LGR6: variants seen among roughly 807,000 people sequenced by gnomAD.
LGR6 encodes leucine-rich repeat-containing G protein-coupled receptor 6.
Under a neutral mutation model 69.4 loss-of-function variants are expected in LGR6, and 45 were observed. The ratio of observed to expected loss-of-function variants is 0.65; its 90% CI spans 0.51 to 0.83. The LOEUF is 0.83. Among genes scored for constraint, LGR6 ranks in the 40% least tolerant of loss-of-function variants. LGR6 has a pLI of 0.00. For missense variants in LGR6, 1,108 were observed against 1,246.7 expected (o/e 0.89, Z 1.68); for synonymous variants, 538 against 555.0 (o/e 0.97, Z 0.43).
intron 1 of LGR6, among the ~76,000 whole-genome samples, chr1:202,224,651 C>T (rs769311052): frequency 1.3e-5 from 2 of 152,204 alleles, no homozygotes; most frequent in Admixed American, 6.5e-5. Flanking sequence ...CTAGACCCCT[C>T]GCATGCGCAG....
intron 4 of LGR6, 75 bp from the exon 5 acceptor site, chr1:202,276,231 C>A: frequency 7.9e-7 from 1 of 1,273,446 alleles, no homozygotes; most frequent in South Asian, 1.3e-5. Context: ...GAGGGCCTGG[C>A]TGGCCCAGTC....
chr1:202,317,785 G>A (rs138300906), intron 17 of LGR6, among the ~76,000 whole-genome samples, 167 bp from the exon 18 acceptor site: 516 of 152,316 alleles, frequency 3.4e-3, no homozygotes, highest in Non-Finnish European at 5.4e-3. Flanking sequence ...AGTTCTCTGG[G>A]GCCAGAAACA....
chr1:202,278,083 C>T (rs1173677589), intron 5 of LGR6, among the ~76,000 whole-genome samples: 1 of 151,888 alleles, frequency 6.6e-6, no homozygotes, highest in Non-Finnish European at 1.5e-5. Context: ...TCTCTCTGCT[C>T]GTGTGGGAGG....
At chr1:202,217,596 G>A (rs139188227) in intron 1 of LGR6, among the ~76,000 whole-genome samples, 185 of 152,150 alleles carry the variant, frequency 1.2e-3, no homozygotes, top group African/African-American at 4.1e-3. Context: ...GCATCTCCCT[G>A]GCTCAGTCTG....
At chr1:202,260,851 T>A (rs940202307) in intron 4 of LGR6, among the ~76,000 whole-genome samples, 1 of 152,170 alleles carries the variant, frequency 6.6e-6, no homozygotes, top group African/African-American at 2.4e-5. Flanking sequence ...AAGGCTCCAT[T>A]TCCCCCTGAC....
chr1:202,308,496 A>G (rs1653449249), intron 14 of LGR6, among the ~76,000 whole-genome samples: 2 of 152,162 alleles, frequency 1.3e-5, no homozygotes, highest in Non-Finnish European at 2.9e-5. Context: ...CGCCTCCAGT[A>G]GAAGAAAATG....
At position 202,319,400 on chromosome 1, in the gene LGR6, C is replaced by T. The variant is rs1022882427; in HGVS notation, c.*193C>T. On this transcript the variant is annotated 3_prime_UTR_variant, in exon 18 of 18. Coordinates refer to ENST00000367278, the MANE Select transcript of LGR6 (RefSeq NM_001017403.2). Reference sequence around the variant, plus strand: ...ACGGGTGCCTCTTGGCCTGGCTTTCCCTTGGCCTTCCTCAGCTTCACCTTG... The same window carrying T: ...ACGGGTGCCTCTTGGCCTGGCTTTCTCTTGGCCTTCCTCAGCTTCACCTTG... 1.7e-6 allele frequency: 1 copy of T among 580,706 alleles called. No homozygotes were observed. Among genetic ancestry groups the T allele is most frequent in the Non-Finnish European group, 2.9e-6 (1 of 342,706 alleles). The allele number at this position is 580,706 out of a possible 1,614,324, so 36.0% of individuals were successfully genotyped here.
intron 16 of LGR6, among the ~76,000 whole-genome samples, chr1:202,311,928 G>A (rs1653771891): frequency 6.6e-6 from 1 of 152,192 alleles, no homozygotes; most frequent in South Asian, 2.1e-4. Flanking sequence ...AGGGTATGAG[G>A]ACCCGATGAG....
chr1:202,307,370 G>A lies in LGR6; in HGVS notation c.1249G>A (p.Ala417Thr), dbSNP rs1255440255. ...CGCCATCCGGTCCATCCACCCCGAG[G>A]CCTTCTCCACCCTGCACTCCCTGGT... Reference protein sequence around the residue: ...WNAIRSIHPEAFSTLHSLVKL... With the variant: ...WNAIRSIHPETFSTLHSLVKL... Residue 417 changes from alanine to threonine, a missense_variant, in exon 14 of 18, where the codon GCC becomes ACC. Coordinates refer to ENST00000367278, the MANE Select transcript of LGR6 (RefSeq NM_001017403.2). 6.2e-7 allele frequency: 1 copy of A among 1,613,952 alleles called. No homozygotes were observed. The highest frequency in any genetic ancestry group is 1.3e-5 in the African/African-American group (1 of 74,896).
At chr1:202,308,596 A>G (rs1653458399) in intron 14 of LGR6, among the ~76,000 whole-genome samples, 1 of 152,232 alleles carries the variant, frequency 6.6e-6, no homozygotes, top group Non-Finnish European at 1.5e-5. Flanking sequence ...AGCTCTGTCC[A>G]GTCCCAGACT....
chr1:202,271,651 C>CA (rs1186181767), intron 4 of LGR6, among the ~76,000 whole-genome samples: 1 of 151,664 alleles, frequency 6.6e-6, no homozygotes, highest in African/African-American at 2.4e-5. Context: ...TACGAAAATA[C>CA]AAAAAAATTA....
rs1482222390 is a variant in LGR6 at position 202,318,277 on chromosome 1, G to A, written c.1974G>A (p.Leu658=). Residue 658 remains leucine (L), a synonymous_variant, in exon 18 of 18, where the codon CTG becomes CTA. Coordinates refer to ENST00000367278, the MANE Select transcript of LGR6 (RefSeq NM_001017403.2). Reference sequence around the variant, plus strand: ...TACTTGGGTCGGAGGCATCGGTGCTGCTGCTCACTCTGGCCGCAGTGCAGT... The same window carrying A: ...TACTTGGGTCGGAGGCATCGGTGCTACTGCTCACTCTGGCCGCAGTGCAGT... The part of the protein sequence containing the change: ...LAVLGSEASV[L]LLTLAAVQCS... The A allele has an allele frequency of 1.9e-6, 3 of 1,604,892 alleles. No individual in the cohort carries two copies. Among genetic ancestry groups the A allele is most frequent in the Non-Finnish European group, 2.6e-6 (3 of 1,174,760 alleles).
intron 4 of LGR6, among the ~76,000 whole-genome samples, chr1:202,261,732 C>T (rs1279305678): frequency 1.3e-5 from 2 of 152,236 alleles, no homozygotes; most frequent in African/African-American, 4.8e-5. Flanking sequence ...TCTCCACATC[C>T]TCTCCAACAC....
At chr1:202,254,168 C>T (rs1370707461) in intron 4 of LGR6, among the ~76,000 whole-genome samples, 2 of 149,866 alleles carry the variant, frequency 1.3e-5, no homozygotes, top group Non-Finnish European at 3.0e-5. Context: ...GGATGGTCTC[C>T]ATCTCCTGGC....
intron 1 of LGR6, among the ~76,000 whole-genome samples, chr1:202,215,780 T>C (rs1345669504): frequency 6.6e-6 from 1 of 152,154 alleles, no homozygotes; most frequent in African/African-American, 2.4e-5. Context: ...GACAGACAAC[T>C]GGGAGCTGTG....
chr1:202,216,139 G>A (rs919520028), intron 1 of LGR6, among the ~76,000 whole-genome samples: 2 of 152,200 alleles, frequency 1.3e-5, no homozygotes, highest in Non-Finnish European at 2.9e-5. Context: ...ATAGACAAAT[G>A]GCTGCATGAC....
Position 202,310,319 on chromosome 1 carries a change from G to A in LGR6, c.1529G>A (p.Arg510Lys). Residue 510 changes from arginine (R) to lysine (K), a missense_variant, in exon 16 of 18, where the codon AGG (arginine) becomes AAG (lysine). By Grantham distance (26) the Arg-to-Lys change is conservative. Transcript: ENST00000367278. ...CTTGATGATGAGGAGTCTTCAAAAA[G>A]GCCCCTGGGCCTCCTTGCCAGACAA... The part of the protein sequence containing the change: ...LHLDDEESSK[R>K]PLGLLARQAE... The A allele has an allele frequency of 6.2e-7, 1 of 1,614,006 alleles. No individual in the cohort carries two copies. Among genetic ancestry groups the A allele is most frequent in the Non-Finnish European group, 8.5e-7 (1 of 1,180,006 alleles).
chr1:202,311,338 T>G (rs1653704129), intron 16 of LGR6, among the ~76,000 whole-genome samples: 1 of 152,240 alleles, frequency 6.6e-6, no homozygotes, highest in Non-Finnish European at 1.5e-5. Flanking sequence ...GTAACCATAC[T>G]GAGCCTCACT....
chr1:202,307,231 G>C, intron 13 of LGR6, 99 bp from the exon 14 acceptor site: 2 of 1,150,616 alleles, frequency 1.7e-6, no homozygotes, highest in Non-Finnish European at 2.6e-6. Flanking sequence ...TGTTACTGGG[G>C]GCAGGTCAGA....
Sources: gnomAD v4.1 joint callset for allele counts (sites outside exome capture counted in the v4.1 genomes callset) on GRCh38, gnomAD v4.1.1 for gene constraint, MANE v1.5 for transcripts, NCBI Gene and HGNC (gene_info 2026-07-23, HGNC 2026-07-21) for gene names.